MTUS1: variants seen among roughly 807,000 people sequenced by gnomAD.
MTUS1 encodes the protein microtubule-associated tumor suppressor 1.
In MTUS1, 109 loss-of-function variants were observed where a neutral mutation model predicts 120.8. The observed-to-expected ratio is 0.90, with a 90% CI of 0.77 to 1.06. The LOEUF (loss-of-function observed/expected upper bound fraction) is 1.06, where lower values mean the gene tolerates loss of function less well. Ranked by LOEUF, MTUS1 falls within the 50% of genes least tolerant of loss-of-function variation. MTUS1 has a pLI of 0.00. For synonymous variants in MTUS1, 737 were observed against 550.5 expected (o/e 1.34, Z -4.74); for missense variants, 2,210 against 1,486.3 (o/e 1.49, Z -8.01).
chr8:17,745,102 T>C (rs542883256), intron 2 of MTUS1, among the ~76,000 whole-genome samples: 2 of 152,352 alleles, frequency 1.3e-5, no homozygotes, highest in East Asian at 3.9e-4. Context: ...GATTTAGAGT[T>C]TGGCTTTTTT....
intron 2 of MTUS1, among the ~76,000 whole-genome samples, chr8:17,752,227 A>C (rs2048254498): frequency 6.6e-6 from 1 of 152,194 alleles, no homozygotes; most frequent in African/African-American, 2.4e-5. Context: ...AAGAAAAAGA[A>C]ACTTTATGAT....
chr8:17,679,356 C>T (rs12679895), intron 7 of MTUS1, among the ~76,000 whole-genome samples: 1,252 of 112,578 alleles, frequency 0.011, 6 homozygotes, highest in East Asian at 0.034. Flanking sequence ...TGTGCGCGCG[C>T]GTGTGTGTGT....
chr8:17,753,590 C>G (rs2048355576), intron 2 of MTUS1, 127 bp downstream of exon 2: 10 of 635,502 alleles, frequency 1.6e-5, no homozygotes, highest in Non-Finnish European at 2.6e-5. Context: ...AATGAATTAA[C>G]AACTAAATGT....
intron 10 of MTUS1, 153 bp downstream of exon 10, chr8:17,654,408 C>G (rs977624442): frequency 1.6e-6 from 1 of 615,644 alleles, no homozygotes; most frequent in Non-Finnish European, 2.9e-6. Context: ...CATCTGTTAA[C>G]AATAAACCAC....
intron 8 of MTUS1, among the ~76,000 whole-genome samples, chr8:17,659,708 C>CAA (rs1469475244): frequency 6.6e-6 from 1 of 151,932 alleles, no homozygotes; most frequent in Admixed American, 6.6e-5. Context: ...AAAACAAAAA[C>CAA]AAAAAAACTG....
chr8:17,754,011 G>C lies in MTUS1; in HGVS notation c.1797C>G (p.His599Gln). The C allele has an allele frequency of 1.2e-6, 2 of 1,614,180 alleles. No homozygotes were observed. Among genetic ancestry groups the C allele is most frequent in the Non-Finnish European group, 1.7e-6 (2 of 1,180,032 alleles). ...CGGCAGATGTTGTTCTTGGAACCCT[G>C]TGTGAAGCATTTTTAGAATGAGTTG... ...HVTTHSKNAS[H>Q]RVPRTTSAVK... Residue 599 changes from histidine to glutamine, a missense_variant, in exon 2 of 15, where the codon CAC becomes CAG. Coordinates refer to ENST00000693296, the MANE Select transcript of MTUS1 (RefSeq NM_001363059.2).
chr8:17,715,717 G>C (rs1281473627), intron 5 of MTUS1, 50 bp downstream of exon 5: 9 of 1,545,706 alleles, frequency 5.8e-6, no homozygotes, highest in Non-Finnish European at 7.8e-6. Flanking sequence ...TACAAGCCAA[G>C]GACTTTAAGC....
At chr8:17,778,512 CA>C (rs1471102077) in intron 1 of MTUS1, among the ~76,000 whole-genome samples, 18 of 152,286 alleles carry the variant, frequency 1.2e-4, no homozygotes, top group African/African-American at 4.3e-4. Context: ...AATTATACCT[CA>C]ATAAACCAGA....
At chr8:17,797,052 C>G (rs746412043) in intron 1 of MTUS1, among the ~76,000 whole-genome samples, 10 of 151,846 alleles carry the variant, frequency 6.6e-5, no homozygotes, top group Non-Finnish European at 1.3e-4. Flanking sequence ...GTGGGGGTTG[C>G]AGTGAGCTGA....
Position 17,683,250 on chromosome 8 carries a change from C to T in MTUS1, c.2838+1078G>A, listed in dbSNP as rs140703539. Among the ~76,000 whole-genome samples the T allele has an allele frequency of 3.4e-4, 51 of 152,110 alleles. 1 individual carries two copies. The East Asian group carries it at 7.6e-3, about 23-fold the overall frequency. On this transcript the variant is annotated intron_variant, in intron 7 of 14. Transcript: ENST00000693296. The stretch of plus-strand genomic sequence containing the variant: ...TGGCGCCACTGCACTCCAGCCTGGG[C>T]GACAGAGTGAGAGTCTGTCTCAAAA...
rs2048448717 is a variant in MTUS1 at position 17,754,556 on chromosome 8, T to C, written c.1252A>G (p.Met418Val). ...SFGLTWDAND[M>V]VISTDKTMCM... ...ATCGTTTTGTCTGTGCTAATGACCA[T>C]ATCATTTGCATCCCAAGTCAGTCCA... Residue 418 changes from methionine to valine, a missense_variant, in exon 2 of 15, where the codon ATG becomes GTG. Coordinates refer to ENST00000693296, the MANE Select transcript of MTUS1 (RefSeq NM_001363059.2). 2 of 1,614,092 alleles carry C rather than the reference T, an allele frequency of 1.2e-6. No individual in the cohort carries two copies. Among genetic ancestry groups the C allele is most frequent in the African/African-American group, 2.7e-5 (2 of 74,938 alleles).
chr8:17,784,467 G>T (rs1236016871), intron 1 of MTUS1, among the ~76,000 whole-genome samples: 3 of 151,972 alleles, frequency 2.0e-5, no homozygotes, highest in Non-Finnish European at 2.9e-5. Context: ...GGCTAATTCT[G>T]TATTTTTAGT....
chr8:17,738,963 A>AC (rs535928202), intron 3 of MTUS1, among the ~76,000 whole-genome samples: 321 of 151,626 alleles, frequency 2.1e-3, no homozygotes, highest in Middle Eastern at 0.01. Context: ...ACAAAGTGAG[A>AC]CCCCCCCATC....
intron 6 of MTUS1, among the ~76,000 whole-genome samples, chr8:17,703,675 G>C (rs1306303723): frequency 6.7e-6 from 1 of 150,080 alleles, no homozygotes; most frequent in Admixed American, 6.6e-5. Flanking sequence ...TGGTCTCCTA[G>C]TCTCCTGCAG....
intron 8 of MTUS1, among the ~76,000 whole-genome samples, chr8:17,666,681 G>A (rs1810982170): frequency 2.0e-5 from 3 of 152,064 alleles, no homozygotes; most frequent in Admixed American, 6.5e-5. Context: ...TGCTAATAAG[G>A]AAGAAAAACT....
intron 1 of MTUS1, among the ~76,000 whole-genome samples, chr8:17,787,342 C>T (rs1380927528): frequency 6.6e-6 from 1 of 152,248 alleles, no homozygotes; most frequent in Non-Finnish European, 1.5e-5. Context: ...TCACATTCCC[C>T]CATCCCTCCT....
At chr8:17,798,414 C>G (rs577862278) in intron 1 of MTUS1, among the ~76,000 whole-genome samples, 29 of 152,152 alleles carry the variant, frequency 1.9e-4, no homozygotes, top group African/African-American at 7.0e-4. Flanking sequence ...CTCACTGCAA[C>G]CTCCACCTCC....
intron 7 of MTUS1, among the ~76,000 whole-genome samples, chr8:17,679,348 TGC>T (rs71848132): frequency 0.51 from 70,972 of 139,692 alleles, 19,351 homozygotes; most frequent in Middle Eastern, 0.66. Context: ...TATGCATGTG[TGC>T]GCGCGCGTGT....
chr8:17,697,441 C>G, intron 6 of MTUS1: 3 of 1,589,282 alleles, frequency 1.9e-6, no homozygotes, highest in Non-Finnish European at 1.7e-6. Flanking sequence ...CACATACTGT[C>G]TTTTTAAACT....
Sources: gnomAD v4.1 joint callset for allele counts (sites outside exome capture counted in the v4.1 genomes callset) on GRCh38, gnomAD v4.1.1 for gene constraint, MANE v1.5 for transcripts, NCBI Gene and HGNC (gene_info 2026-07-23, HGNC 2026-07-21) for gene names.